Variants in LRMDA observed in about 807,000 individuals in gnomAD.
LRMDA encodes leucine-rich melanocyte differentiation-associated protein.
In LRMDA, 18 loss-of-function variants were observed where a neutral mutation model predicts 29.8. The ratio of observed to expected loss-of-function variants is 0.60; its 90% CI spans 0.42 to 0.90. The LOEUF (loss-of-function observed/expected upper bound fraction) is 0.90, where lower values mean the gene tolerates loss of function less well. Among genes scored for constraint, LRMDA ranks in the 40% least tolerant of loss-of-function variants. The pLI is 0.00. For missense variants in LRMDA, 273 were observed against 273.9 expected, an observed-to-expected ratio of 1.00 and a Z score of 0.02; for synonymous variants, 125 against 109.4, an observed-to-expected ratio of 1.14 and a Z score of -0.89.
intron 5 of LRMDA, among the ~76,000 whole-genome samples, chr10:76,313,430 G>A (rs2132381561): frequency 6.6e-6 from 1 of 152,336 alleles, no homozygotes; most frequent in East Asian, 1.9e-4. Context: ...GCCCAAGATG[G>A]AGCCTGGCTC....
intron 5 of LRMDA, among the ~76,000 whole-genome samples, chr10:76,258,037 A>G (rs1839888825): frequency 6.6e-6 from 1 of 152,204 alleles, no homozygotes; most frequent in African/African-American, 2.4e-5. Flanking sequence ...TTTGTTAATG[A>G]CTCATTGGAC....
At chr10:76,546,414 TTA>T (rs1265364011) in intron 6 of LRMDA, among the ~76,000 whole-genome samples, 1 of 152,362 alleles carries the variant, frequency 6.6e-6, no homozygotes, top group East Asian at 1.9e-4. Flanking sequence ...GACTTTGCTT[TTA>T]GTGTCTTATG....
At chr10:75,787,167 G>A (rs1319752935) in intron 2 of LRMDA, among the ~76,000 whole-genome samples, 2 of 152,188 alleles carry the variant, frequency 1.3e-5, no homozygotes, top group Admixed American at 6.5e-5. Context: ...GTGGTGGTTC[G>A]ATATTCTGTT....
chr10:76,327,289 CACCA>C (rs1270385923), intron 6 of LRMDA, among the ~76,000 whole-genome samples: 1 of 152,048 alleles, frequency 6.6e-6, no homozygotes, highest in Admixed American at 6.6e-5. Context: ...GACAGGGTTT[CACCA>C]TGTTGACCAG....
At chr10:76,147,619 T>C (rs3998126) in intron 5 of LRMDA, among the ~76,000 whole-genome samples, 105,191 of 151,288 alleles carry the variant, frequency 0.7, 37,207 homozygotes, top group East Asian at 0.85. Flanking sequence ...ACTTCTTTGC[T>C]ATTGGTTCGA....
At chr10:75,560,814 C>G (rs1315712995) in intron 2 of LRMDA, among the ~76,000 whole-genome samples, 11 of 152,108 alleles carry the variant, frequency 7.2e-5, no homozygotes, top group Admixed American at 7.2e-4. Context: ...GTCTTTGATT[C>G]TGTTTATATG....
chr10:76,400,616 C>T (rs1841837847), intron 6 of LRMDA, among the ~76,000 whole-genome samples: 2 of 152,186 alleles, frequency 1.3e-5, no homozygotes, highest in African/African-American at 4.8e-5. Flanking sequence ...CTGTACTGTT[C>T]ATATTTCTGG....
intron 2 of LRMDA, among the ~76,000 whole-genome samples, chr10:75,615,937 C>G (rs1233953681): frequency 3.3e-5 from 5 of 152,152 alleles, no homozygotes; most frequent in African/African-American, 1.2e-4. Context: ...TGTTGGCTAT[C>G]GATTTATGAC....
chr10:76,437,813 A>C (rs112452474), intron 6 of LRMDA, among the ~76,000 whole-genome samples: 1 of 152,062 alleles, frequency 6.6e-6, no homozygotes, highest in Admixed American at 6.6e-5. Flanking sequence ...TCTTCCACCA[A>C]CCTAAGGGAT....
intron 5 of LRMDA, among the ~76,000 whole-genome samples, chr10:76,308,414 A>G (rs1209947946): frequency 6.6e-6 from 1 of 152,106 alleles, no homozygotes; most frequent in Non-Finnish European, 1.5e-5. Context: ...ATGGATAGGG[A>G]GCCACATGGT....
intron 2 of LRMDA, among the ~76,000 whole-genome samples, chr10:75,640,530 G>A (rs1308487806): frequency 6.6e-6 from 1 of 152,170 alleles, no homozygotes; most frequent in Non-Finnish European, 1.5e-5. Context: ...TTTCTCAACA[G>A]CTGCAATGAT....
intron 6 of LRMDA, among the ~76,000 whole-genome samples, chr10:76,368,797 T>C (rs1369456768): frequency 6.6e-6 from 1 of 152,216 alleles, no homozygotes; most frequent in Non-Finnish European, 1.5e-5. Context: ...GTTAGGTGCA[T>C]GTATGTTTAG....
At chr10:76,017,858 G>A (rs1359103241) in intron 2 of LRMDA, among the ~76,000 whole-genome samples, 2 of 152,194 alleles carry the variant, frequency 1.3e-5, no homozygotes, top group South Asian at 2.1e-4. Flanking sequence ...GAGAGCTAAT[G>A]AGAGCTGAAG....
At chr10:75,774,581 CAGA>C (rs1172023302) in intron 2 of LRMDA, among the ~76,000 whole-genome samples, 2 of 152,030 alleles carry the variant, frequency 1.3e-5, no homozygotes, top group Non-Finnish European at 2.9e-5. Context: ...TATAGACAAG[CAGA>C]AGGATATAGT....
intron 2 of LRMDA, among the ~76,000 whole-genome samples, chr10:75,580,603 A>G (rs1840576087): frequency 6.6e-6 from 1 of 152,262 alleles, no homozygotes; most frequent in Non-Finnish European, 1.5e-5. Context: ...AAGAGCCCGC[A>G]TAGCCAAGAC....
At position 75,837,889 on chromosome 10, in the gene LRMDA, C is replaced by T. The variant is rs190965156; in HGVS notation, c.132-198119C>T. 8.5e-5 allele frequency among the ~76,000 whole-genome samples: 13 copies of T among 152,216 alleles called. No individual in the cohort carries two copies. The East Asian group carries it at 2.5e-3, about 29-fold the overall frequency. ...AGATTTCTTGATTTTTACTCTTTTA[C>T]CAATTTCTTAACTATGTCGCTAAGG... On this transcript the variant is annotated intron_variant, in intron 2 of 6. Coordinates refer to ENST00000611255, the MANE Select transcript of LRMDA (RefSeq NM_001305581.2).
At chr10:76,406,044 A>G (rs1184785574) in intron 6 of LRMDA, among the ~76,000 whole-genome samples, 1 of 152,154 alleles carries the variant, frequency 6.6e-6, no homozygotes, top group Non-Finnish European at 1.5e-5. Context: ...AGCGAGGAAA[A>G]CCCACAAATT....
At chr10:76,097,025 A>G (rs976558746) in intron 5 of LRMDA, among the ~76,000 whole-genome samples, 23 of 146,222 alleles carry the variant, frequency 1.6e-4, no homozygotes, top group African/African-American at 5.1e-4. Context: ...ATTTTATTTT[A>G]TTTGAGACAG....
chr10:75,489,662 C>T (rs1218794175), intron 2 of LRMDA, among the ~76,000 whole-genome samples: 2 of 152,086 alleles, frequency 1.3e-5, no homozygotes, highest in African/African-American at 4.8e-5. Flanking sequence ...ACTTTTACTC[C>T]TTGGTTCCTC....
Sources: allele counts gnomAD v4.1 joint callset (sites outside exome capture counted in the v4.1 genomes callset), GRCh38; gene constraint gnomAD v4.1.1; transcripts MANE v1.5; gene names NCBI Gene and HGNC (gene_info 2026-07-23, HGNC 2026-07-21).